The following B3GALT1 variants were observed in gnomAD, a reference collection of about 807,000 sequenced individuals.
B3GALT1 encodes the protein beta-1,3-galactosyltransferase 1.
In B3GALT1, 10 loss-of-function variants were observed where a neutral mutation model predicts 23.2. The ratio of observed to expected loss-of-function variants is 0.43; its 90% CI spans 0.27 to 0.73. The LOEUF (loss-of-function observed/expected upper bound fraction) is 0.73, where lower values mean the gene tolerates loss of function less well. Ranked by LOEUF, B3GALT1 falls within the 30% of genes least tolerant of loss-of-function variation. B3GALT1 has a pLI of 0.21. For synonymous variants in B3GALT1, 156 were observed against 141.5 expected (o/e 1.10, Z -0.73); for missense variants, 299 against 405.4 (o/e 0.74, Z 2.25).
chr2:167,563,480 G>A (rs1336028855), intron 2 of B3GALT1, among the ~76,000 whole-genome samples: 1 of 103,122 alleles, frequency 9.7e-6, no homozygotes, highest in Non-Finnish European at 1.9e-5. Flanking sequence ...TCCCAGTAGG[G>A]GCGGCCGGGC....
chr2:167,586,193 G>A (rs1409586860), intron 2 of B3GALT1, among the ~76,000 whole-genome samples: 2 of 152,162 alleles, frequency 1.3e-5, no homozygotes, highest in African/African-American at 4.8e-5. Context: ...GAGACTCTTT[G>A]TTTTGAAAAA....
chr2:167,426,838 A>G lies in B3GALT1; in HGVS notation c.-510-63339A>G, dbSNP rs1041356418. On this transcript the variant is annotated intron_variant, in intron 1 of 4. Transcript: ENST00000392690. Reference sequence around the variant, plus strand: ...TTATCAAGTTAAGTTGAAGATGCACATACCCTGTAACCTTGCATTGCACCC... The same window carrying G: ...TTATCAAGTTAAGTTGAAGATGCACGTACCCTGTAACCTTGCATTGCACCC... Among the ~76,000 whole-genome samples the G allele has an allele frequency of 3.9e-5, 6 of 152,240 alleles. No individual in the cohort carries two copies. The East Asian group carries it at 7.7e-4, about 20-fold the overall frequency.
At chr2:167,413,035 A>G (rs1381795676) in intron 1 of B3GALT1, among the ~76,000 whole-genome samples, 2 of 152,146 alleles carry the variant, frequency 1.3e-5, no homozygotes, top group Admixed American at 6.5e-5. Context: ...GATAACGTCT[A>G]GAAGAGTAGC....
intron 3 of B3GALT1, among the ~76,000 whole-genome samples, chr2:167,780,905 G>A (rs1192626478): frequency 6.6e-6 from 1 of 152,164 alleles, no homozygotes; most frequent in Non-Finnish European, 1.5e-5. Flanking sequence ...CAATAGAGGT[G>A]GTAGTGTACA....
intron 1 of B3GALT1, among the ~76,000 whole-genome samples, chr2:167,324,595 A>G (rs966125425): frequency 6.6e-6 from 1 of 152,064 alleles, no homozygotes; most frequent in African/African-American, 2.4e-5. Flanking sequence ...TTTTTGATAT[A>G]TTAGATTTGA....
chr2:167,315,425 A>AT (rs1206894354), intron 1 of B3GALT1, among the ~76,000 whole-genome samples: 2 of 151,936 alleles, frequency 1.3e-5, no homozygotes, highest in African/African-American at 2.4e-5. Flanking sequence ...CATATTAGGT[A>AT]TTTTTTTGAC....
At chr2:167,489,765 T>C (rs1159089530) in intron 1 of B3GALT1, among the ~76,000 whole-genome samples, 2 of 152,140 alleles carry the variant, frequency 1.3e-5, no homozygotes, top group African/African-American at 2.4e-5. Flanking sequence ...CAAGACAGTA[T>C]TAAGGAAGCC....
intron 3 of B3GALT1, among the ~76,000 whole-genome samples, chr2:167,816,711 A>G (rs1176704603): frequency 6.6e-6 from 1 of 152,256 alleles, no homozygotes; most frequent in Non-Finnish European, 1.5e-5. Context: ...AATATCGTAG[A>G]GTAAAATCTT....
chr2:167,672,552 A>G (rs59993022), intron 3 of B3GALT1, among the ~76,000 whole-genome samples: 4,569 of 152,236 alleles, frequency 0.03, 241 homozygotes, highest in African/African-American at 0.1. Flanking sequence ...ATTAAGAGCC[A>G]GATACTCTGG....
chr2:167,481,535 A>G lies in B3GALT1; in HGVS notation c.-510-8642A>G, dbSNP rs973941741. On this transcript the variant is annotated intron_variant, in intron 1 of 4. Transcript: ENST00000392690. ...TAAATTTGCTTTTCCAAAATGTTTC[A>G]ACACGGCCATGCTGTCTTGGTACAA... Among the ~76,000 whole-genome samples the G allele has an allele frequency of 2.0e-4, 31 of 152,252 alleles. 1 individual carries two copies. The highest frequency in any genetic ancestry group is 2.9e-5 in the Non-Finnish European group (2 of 68,046).
At chr2:167,475,026 A>G (rs1314170422) in intron 1 of B3GALT1, among the ~76,000 whole-genome samples, 1 of 152,190 alleles carries the variant, frequency 6.6e-6, no homozygotes, top group Non-Finnish European at 1.5e-5. Flanking sequence ...TTATTAGTTC[A>G]CTAGGGCTGT....
At chr2:167,698,185 G>A (rs1436081525) in intron 3 of B3GALT1, among the ~76,000 whole-genome samples, 1 of 152,096 alleles carries the variant, frequency 6.6e-6, no homozygotes, top group African/African-American at 2.4e-5. Flanking sequence ...ATGGAAAGAA[G>A]GAAAGTATTT....
intron 4 of B3GALT1, among the ~76,000 whole-genome samples, chr2:167,837,993 A>C (rs1371137363): frequency 3.9e-4 from 60 of 152,052 alleles, no homozygotes; most frequent in Non-Finnish European, 7.8e-4. Context: ...ACAAAGACAC[A>C]ACATACCAGA....
intron 2 of B3GALT1, among the ~76,000 whole-genome samples, chr2:167,598,721 G>A (rs1283467533): frequency 6.6e-6 from 1 of 152,082 alleles, no homozygotes; most frequent in East Asian, 1.9e-4. Context: ...TGTGGAATAA[G>A]GCTTCCTTTA....
At chr2:167,741,576 A>G (rs996697233) in intron 3 of B3GALT1, among the ~76,000 whole-genome samples, 5 of 152,190 alleles carry the variant, frequency 3.3e-5, no homozygotes, top group Non-Finnish European at 7.3e-5. Context: ...TATTATCACC[A>G]TGCATGCCAA....
chr2:167,782,997 A>T (rs949496956), intron 3 of B3GALT1, among the ~76,000 whole-genome samples: 4 of 152,194 alleles, frequency 2.6e-5, no homozygotes, highest in African/African-American at 9.6e-5. Context: ...ATGGGCACAG[A>T]ATCTGGTGAG....
At chr2:167,346,855 A>C (rs1697229978) in intron 1 of B3GALT1, among the ~76,000 whole-genome samples, 1 of 151,766 alleles carries the variant, frequency 6.6e-6, no homozygotes, top group Non-Finnish European at 1.5e-5. Flanking sequence ...GGTTATATGG[A>C]GGGGAAAAAA....
At chr2:167,453,021 A>G (rs1699111756) in intron 1 of B3GALT1, among the ~76,000 whole-genome samples, 1 of 152,190 alleles carries the variant, frequency 6.6e-6, no homozygotes, top group African/African-American at 2.4e-5. Flanking sequence ...TTACATTGGG[A>G]ATTGTAATGC....
At chr2:167,834,579 T>G (rs902514318) in intron 4 of B3GALT1, among the ~76,000 whole-genome samples, 1 of 152,160 alleles carries the variant, frequency 6.6e-6, no homozygotes, top group Non-Finnish European at 1.5e-5. Context: ...CCATAAGATA[T>G]AGTAATAAAG....
Sources: allele counts gnomAD v4.1 joint callset (sites outside exome capture counted in the v4.1 genomes callset), GRCh38; gene constraint gnomAD v4.1.1; transcripts MANE v1.5; gene names NCBI Gene and HGNC (gene_info 2026-07-23, HGNC 2026-07-21).